The following DEPTOR variants were observed in gnomAD, a reference collection of about 807,000 sequenced individuals.
DEPTOR encodes the protein DEP domain containing MTOR interacting protein.
In DEPTOR, 41 loss-of-function variants were observed where a neutral mutation model predicts 41.6. That is an observed-to-expected ratio of 0.98 (90% CI 0.77 to 1.28). The LOEUF (loss-of-function observed/expected upper bound fraction) is 1.28, where lower values mean the gene tolerates loss of function less well. DEPTOR is among the 50% of genes most tolerant of loss of function. The pLI is 0.00. For synonymous variants in DEPTOR, 195 were observed against 192.3 expected (o/e 1.01, Z -0.12); for missense variants, 514 against 527.9 (o/e 0.97, Z 0.26).
intron 8 of DEPTOR, among the ~76,000 whole-genome samples, chr8:120,030,497 GTTTTTTT>G (rs1171655489): frequency 0.011 from 511 of 46,180 alleles, 9 homozygotes; most frequent in Non-Finnish European, 0.016. Context: ...AGGTTCATCA[GTTTTTTT>G]TTTTTTTTTT....
intron 8 of DEPTOR, among the ~76,000 whole-genome samples, chr8:120,022,881 T>G (rs1209712936): frequency 6.6e-6 from 1 of 152,174 alleles, no homozygotes; most frequent in African/African-American, 2.4e-5. Context: ...TCAACTGACC[T>G]GTACCTGGAA....
At chr8:119,880,631 G>A (rs773633460) in intron 1 of DEPTOR, among the ~76,000 whole-genome samples, 10 of 152,206 alleles carry the variant, frequency 6.6e-5, no homozygotes, top group Non-Finnish European at 1.2e-4. Flanking sequence ...TTCTGTTGGG[G>A]AAAATCTGAT....
At chr8:119,996,602 C>G (rs1347608888) in intron 4 of DEPTOR, among the ~76,000 whole-genome samples, 1 of 152,184 alleles carries the variant, frequency 6.6e-6, no homozygotes, top group Non-Finnish European at 1.5e-5. Flanking sequence ...GTAAACTAAA[C>G]ACTGGGTCAG....
chr8:120,036,191 G>A (rs1451515335), intron 8 of DEPTOR, among the ~76,000 whole-genome samples: 2 of 152,182 alleles, frequency 1.3e-5, no homozygotes, highest in Admixed American at 1.3e-4. Context: ...ATTGATTGGG[G>A]CTGAAAGGGG....
intron 4 of DEPTOR, among the ~76,000 whole-genome samples, chr8:119,971,230 C>CAAAAA (rs36009381): frequency 9.1e-6 from 1 of 109,554 alleles, no homozygotes; most frequent in Non-Finnish European, 1.9e-5. Context: ...GACTCCGTCT[C>CAAAAA]AAAAAAAAAA....
chr8:119,965,620 G>A (rs927227070), intron 4 of DEPTOR, among the ~76,000 whole-genome samples: 137 of 152,316 alleles, frequency 9.0e-4, no homozygotes, highest in African/African-American at 3.2e-3. Flanking sequence ...AATATCCACT[G>A]TCTGTGATGT....
At chr8:119,881,578 G>C (rs973066743) in intron 1 of DEPTOR, among the ~76,000 whole-genome samples, 19 of 151,314 alleles carry the variant, frequency 1.3e-4, no homozygotes, top group African/African-American at 4.4e-4. Flanking sequence ...CAAAGATCAA[G>C]CTCTAATAAA....
intron 1 of DEPTOR, among the ~76,000 whole-genome samples, chr8:119,902,205 T>A (rs1827603638): frequency 6.6e-6 from 1 of 152,158 alleles, no homozygotes. Flanking sequence ...CAGGATTTGG[T>A]ACAAAGATGG....
At chr8:119,957,675 G>A (rs796897995) in intron 3 of DEPTOR, among the ~76,000 whole-genome samples, 46 of 149,666 alleles carry the variant, frequency 3.1e-4, no homozygotes, top group African/African-American at 1.1e-3. Context: ...TGCAACCTCC[G>A]CCTCCTGGGT....
chr8:120,002,925 G>C, intron 5 of DEPTOR, 52 bp from the exon 6 acceptor site: 1 of 1,538,848 alleles, frequency 6.5e-7, no homozygotes, highest in Non-Finnish European at 8.8e-7. Flanking sequence ...ATGTGCTCTA[G>C]TGAGCCGAGA....
At chr8:119,930,059 T>A in intron 3 of DEPTOR, 121 bp downstream of exon 3, 4 of 1,215,132 alleles carry the variant, frequency 3.3e-6, no homozygotes, top group Non-Finnish European at 4.4e-6. Context: ...ATAACTGTTC[T>A]TTTCCATATG....
intron 4 of DEPTOR, among the ~76,000 whole-genome samples, chr8:119,977,828 C>T (rs908945): frequency 0.74 from 111,563 of 150,444 alleles, 41,489 homozygotes; most frequent in Middle Eastern, 0.86. Context: ...TTCTCTCTCT[C>T]TTTTTTTTAA....
chr8:119,983,627 G>T (rs144375737), intron 4 of DEPTOR, among the ~76,000 whole-genome samples: 2 of 152,078 alleles, frequency 1.3e-5, no homozygotes, highest in Admixed American at 6.6e-5. Context: ...CAAGTAATCC[G>T]CTTGCCTTGG....
chr8:119,886,141 T>C (rs964523482), intron 1 of DEPTOR, among the ~76,000 whole-genome samples: 1 of 152,246 alleles, frequency 6.6e-6, no homozygotes, highest in African/African-American at 2.4e-5. Flanking sequence ...GTTCAGGAGA[T>C]ACAATGCCTT....
intron 3 of DEPTOR, among the ~76,000 whole-genome samples, chr8:119,943,062 A>G (rs1453534811): frequency 6.6e-6 from 1 of 152,104 alleles, no homozygotes; most frequent in Non-Finnish European, 1.5e-5. Flanking sequence ...TCCATTCTCT[A>G]TCCTTTTCCA....
At chr8:119,892,010 GT>G (rs1205262961) in intron 1 of DEPTOR, among the ~76,000 whole-genome samples, 1 of 151,852 alleles carries the variant, frequency 6.6e-6, no homozygotes, top group African/African-American at 2.4e-5. Context: ...GTTTTGTTTT[GT>G]TTTTTGAGAC....
At chr8:119,913,256 A>G (rs932880525) in intron 1 of DEPTOR, among the ~76,000 whole-genome samples, 7 of 152,188 alleles carry the variant, frequency 4.6e-5, no homozygotes, top group African/African-American at 1.7e-4. Context: ...TTCAAGCTCA[A>G]AGTTTGAGGA....
chr8:119,927,582 C>CATATATATTATATATATATAA (rs1827978858), intron 1 of DEPTOR, among the ~76,000 whole-genome samples: 1 of 146,694 alleles, frequency 6.8e-6, no homozygotes, highest in Non-Finnish European at 1.5e-5. Context: ...TATATATATA[C>CATATATATTATATATATATAA]ATATATATTA....
At chr8:120,027,076 G>A (rs1291516044) in intron 8 of DEPTOR, among the ~76,000 whole-genome samples, 3 of 151,740 alleles carry the variant, frequency 2.0e-5, no homozygotes, top group Non-Finnish European at 4.4e-5. Flanking sequence ...AAATTAGTGG[G>A]GTGTGGTGAT....
Sources: allele counts gnomAD v4.1 joint callset (sites outside exome capture counted in the v4.1 genomes callset), GRCh38; gene constraint gnomAD v4.1.1; transcripts MANE v1.5; gene names NCBI Gene and HGNC (gene_info 2026-07-23, HGNC 2026-07-21).